The following OR2L13 variants were observed in gnomAD, a reference collection of about 807,000 sequenced individuals.
The protein encoded by OR2L13 is olfactory receptor family 2 subfamily L member 13.
In OR2L13, 14 loss-of-function variants were observed where a neutral mutation model predicts 15.3. The observed-to-expected ratio is 0.91, with a 90% CI of 0.60 to 1.43. OR2L13 has a LOEUF of 1.43. Among genes scored for constraint, OR2L13 ranks in the 40% most tolerant of loss-of-function variants. The probability of loss-of-function intolerance (pLI) is 0.00; values close to 1 mark genes in which losing one functional copy is unlikely to be tolerated. For synonymous variants in OR2L13, 152 were observed against 142.9 expected, an observed-to-expected ratio of 1.06 and a Z score of -0.45; for missense variants, 367 against 387.9, an observed-to-expected ratio of 0.95 and a Z score of 0.45.
At chr1:247,990,351 C>A in the OR2L13 span, 34 of 1,522,888 alleles carry the variant, frequency 2.2e-5, no homozygotes, top group Non-Finnish European at 3.1e-5. Flanking sequence ...CATCTTCATT[C>A]TCATTAATTT....
the OR2L13 span, among the ~76,000 whole-genome samples, chr1:248,027,176 A>G: frequency 0.3 from 45,257 of 152,074 alleles, 10,843 homozygotes; most frequent in African/African-American, 0.67. Context: ...TTTTACAGTC[A>G]TAGATAAGGG....
chr1:247,975,393 C>G, the OR2L13 span: 4 of 652,702 alleles, frequency 6.1e-6, no homozygotes, highest in Non-Finnish European at 1.2e-5. Context: ...TCCTTACTGT[C>G]TACCACATTA....
At chr1:248,048,923 C>CTTTTT in the OR2L13 span, among the ~76,000 whole-genome samples, 38 of 141,710 alleles carry the variant, frequency 2.7e-4, no homozygotes, top group African/African-American at 8.5e-4. Context: ...TTCTCTCTCT[C>CTTTTT]TTTTTTTTTT....
the OR2L13 span, among the ~76,000 whole-genome samples, chr1:248,059,553 T>C: frequency 6.6e-6 from 1 of 152,180 alleles, no homozygotes; most frequent in Middle Eastern, 3.2e-3. Flanking sequence ...TGATGATGAA[T>C]ATTGAAAATC....
the OR2L13 span, among the ~76,000 whole-genome samples, chr1:248,001,668 T>TG: frequency 6.6e-6 from 1 of 151,942 alleles, no homozygotes; most frequent in Non-Finnish European, 1.5e-5. Flanking sequence ...AGAAACATCA[T>TG]GGCTGAGGCT....
the OR2L13 span, chr1:248,084,348 T>G: frequency 6.2e-7 from 1 of 1,612,832 alleles, no homozygotes; most frequent in East Asian, 2.2e-5. Flanking sequence ...TCCGGTCAAG[T>G]AGTCAGCCGC....
At chr1:247,948,762 G>A in the OR2L13 span, 42 of 976,388 alleles carry the variant, frequency 4.3e-5, no homozygotes, top group African/African-American at 3.4e-4. Context: ...AACATCCACT[G>A]GGGGGGCTTG....
chr1:247,998,371 T>A, the OR2L13 span, among the ~76,000 whole-genome samples: 1 of 152,138 alleles, frequency 6.6e-6, no homozygotes, highest in Non-Finnish European at 1.5e-5. Flanking sequence ...CCAGTGAAAT[T>A]AACCCACATT....
the OR2L13 span, among the ~76,000 whole-genome samples, chr1:248,071,282 T>A: frequency 6.6e-6 from 1 of 152,008 alleles, no homozygotes; most frequent in Non-Finnish European, 1.5e-5. Context: ...TCCACCATGA[T>A]CAAGTGGGCT....
the OR2L13 span, among the ~76,000 whole-genome samples, chr1:247,977,164 A>T: frequency 6.6e-6 from 1 of 152,212 alleles, no homozygotes; most frequent in African/African-American, 2.4e-5. Context: ...ACATGCCCAG[A>T]TGATGCTCTT....
At chr1:248,006,761 G>T in the OR2L13 span, among the ~76,000 whole-genome samples, 1 of 152,088 alleles carries the variant, frequency 6.6e-6, no homozygotes, top group East Asian at 1.9e-4. Context: ...GAGCTTGTTT[G>T]TGCCTTCTAC....
chr1:248,016,130 G>T, the OR2L13 span, among the ~76,000 whole-genome samples: 1 of 152,026 alleles, frequency 6.6e-6, no homozygotes, highest in Admixed American at 6.6e-5. Flanking sequence ...ATTTTAATTA[G>T]CTCATATTCA....
chr1:247,975,688 A>G, the OR2L13 span: 1 of 846,292 alleles, frequency 1.2e-6, no homozygotes, highest in East Asian at 2.5e-5. Context: ...GAGTCCAAGC[A>G]CTAGCCTCAC....
the OR2L13 span, among the ~76,000 whole-genome samples, chr1:248,002,376 C>A: frequency 6.6e-6 from 1 of 152,182 alleles, no homozygotes; most frequent in East Asian, 1.9e-4. Flanking sequence ...AAAACAATTT[C>A]ATTGTCTCCA....
At chr1:248,068,178 A>G in the OR2L13 span, among the ~76,000 whole-genome samples, 1,361 of 152,220 alleles carry the variant, frequency 8.9e-3, 18 homozygotes, top group Non-Finnish European at 0.014. Context: ...GATCTGAGAA[A>G]GGGCAGACTG....
At chr1:247,969,806 G>A in the OR2L13 span, among the ~76,000 whole-genome samples, 3,266 of 151,606 alleles carry the variant, frequency 0.022, 68 homozygotes, top group East Asian at 0.091. Flanking sequence ...CAAAAGCACC[G>A]ATGAGATCTA....
the OR2L13 span, among the ~76,000 whole-genome samples, chr1:247,978,097 TACCAATCAGCACTCTGTA>T: frequency 5.9e-5 from 9 of 152,282 alleles, no homozygotes; most frequent in African/African-American, 1.9e-4. Flanking sequence ...ATTATAAATG[TACCAATCAGCACTCTGTA>T]AAAATGCACC....
At chr1:247,945,309 G>T in the OR2L13 span, among the ~76,000 whole-genome samples, 34 of 152,246 alleles carry the variant, frequency 2.2e-4, no homozygotes, top group East Asian at 4.0e-3. Context: ...CCATGTAGTT[G>T]TGTGGTTTTG....
At chr1:247,946,577 A>G in the OR2L13 span, among the ~76,000 whole-genome samples, 1 of 152,228 alleles carries the variant, frequency 6.6e-6, no homozygotes, top group South Asian at 2.1e-4. Flanking sequence ...TGCTGACCCC[A>G]AAGGCAAGGA....
Sources: allele counts gnomAD v4.1 joint callset (sites outside exome capture counted in the v4.1 genomes callset), GRCh38; gene constraint gnomAD v4.1.1; transcripts MANE v1.5; gene names NCBI Gene and HGNC (gene_info 2026-07-23, HGNC 2026-07-21).